The following AFF1 variants were observed in gnomAD, a reference collection of about 807,000 sequenced individuals.
The protein encoded by AFF1 is AF4/FMR2 family member 1.
A neutral mutation model predicts 121.7 loss-of-function variants in AFF1; 48 were observed. The ratio of observed to expected loss-of-function variants is 0.39; its 90% CI spans 0.31 to 0.50. AFF1 has a LOEUF of 0.50. Ranked by LOEUF, AFF1 falls within the 20% of genes least tolerant of loss-of-function variation. AFF1 has a pLI of 0.76. For missense variants in AFF1, 1,523 were observed against 1,511.7 expected (o/e 1.01, Z -0.12); for synonymous variants, 613 against 563.0 (o/e 1.09, Z -1.26).
At chr4:87,005,122 C>T (rs545792882) in intron 2 of AFF1, among the ~76,000 whole-genome samples, 3 of 152,258 alleles carry the variant, frequency 2.0e-5, no homozygotes, top group African/African-American at 7.2e-5. Context: ...ATCAGAGATG[C>T]GTGCCACTAT....
chr4:86,946,872 G>T (rs1720904473), intron 1 of AFF1, among the ~76,000 whole-genome samples: 1 of 152,134 alleles, frequency 6.6e-6, no homozygotes, highest in Non-Finnish European at 1.5e-5. Context: ...GGTGCTATTG[G>T]GTTGCAAGCA....
chr4:87,085,241 A>G (rs183835182), intron 5 of AFF1, among the ~76,000 whole-genome samples: 2 of 152,286 alleles, frequency 1.3e-5, no homozygotes, highest in Non-Finnish European at 2.9e-5. Context: ...TTATCAGAGA[A>G]GAATTATATA....
Position 87,007,451 on chromosome 4 carries a change from C to G in AFF1, c.39-38715C>G, listed in dbSNP as rs369984199. 5.0e-6 allele frequency: 8 copies of G among 1,613,864 alleles called. 1 individual carries two copies. Among genetic ancestry groups the G allele is most frequent in the Non-Finnish European group, 6.8e-6 (8 of 1,179,948 alleles). ...TAAGCCGTGCACCGGAGAAACTTTT[C>G]AAACGCGTTCGTGGCGAGGGGAGCT... On this transcript the variant is annotated intron_variant, in intron 2 of 20. Coordinates refer to ENST00000395146, the MANE Select transcript of AFF1 (RefSeq NM_001166693.3).
At chr4:87,103,442 A>G (rs551707916) in intron 8 of AFF1, among the ~76,000 whole-genome samples, 1 of 152,320 alleles carries the variant, frequency 6.6e-6, no homozygotes, top group Non-Finnish European at 1.5e-5. Context: ...ATGAGGGAGG[A>G]GAGGTTTTGT....
At chr4:86,972,619 C>A (rs1487435311) in intron 2 of AFF1, among the ~76,000 whole-genome samples, 2 of 152,054 alleles carry the variant, frequency 1.3e-5, no homozygotes, top group Non-Finnish European at 2.9e-5. Context: ...GTCACTGTAA[C>A]CTCCATCTCC....
chr4:86,985,692 A>C (rs1459534286), intron 2 of AFF1, among the ~76,000 whole-genome samples: 1 of 151,998 alleles, frequency 6.6e-6, no homozygotes, highest in Non-Finnish European at 1.5e-5. Context: ...ATAAATAAAC[A>C]AAAATTAAAA....
At chr4:87,078,241 T>C (rs1722859191) in intron 4 of AFF1, among the ~76,000 whole-genome samples, 1 of 152,228 alleles carries the variant, frequency 6.6e-6, no homozygotes. Flanking sequence ...TTGTCTCTTT[T>C]ATGTTTATTT....
intron 2 of AFF1, among the ~76,000 whole-genome samples, chr4:86,991,555 T>TA (rs1303547767): frequency 3.9e-5 from 6 of 152,220 alleles, no homozygotes; most frequent in African/African-American, 1.4e-4. Context: ...CAGGTTCTTT[T>TA]AAAATCGCTT....
At chr4:86,949,410 A>G (rs1284954145) in intron 2 of AFF1, among the ~76,000 whole-genome samples, 1 of 150,424 alleles carries the variant, frequency 6.6e-6, no homozygotes, top group Non-Finnish European at 1.5e-5. Context: ...CCTCTGCGCT[A>G]CTCCAAAAAC....
intron 1 of AFF1, among the ~76,000 whole-genome samples, chr4:86,944,299 C>G (rs1299665701): frequency 3.3e-5 from 5 of 152,036 alleles, no homozygotes; most frequent in Non-Finnish European, 7.4e-5. Context: ...CATTATGTCC[C>G]CGACGACAAT....
In AFF1 at chr4:87,131,084, C is replaced by T. The variant is rs769048976; in HGVS notation, c.2966C>T (p.Thr989Met). Residue 989 changes from threonine (T) to methionine (M), a missense_variant and splice_region_variant, in exon 17 of 21, where the codon ACG becomes ATG. Physicochemically the swap from Thr to Met is moderately conservative, Grantham distance 81. This residue lies in a region of AFF1 where 905 missense variants were observed against 842.5 expected (regional missense o/e 1.07). Transcript: ENST00000395146. ...KKMKQKAELM[T>M]DRVGKAFKYL... ...AATGACCATGTTCTTCTCCTGCAGA[C>T]GGACAGGGTTGGAAAGGCTTTTAAG... is the stretch of plus-strand genomic sequence containing the variant. 10 of 1,613,840 alleles carry T rather than the reference C, an allele frequency of 6.2e-6. No homozygotes were observed. The East Asian group carries it at 6.7e-5, about 11-fold the overall frequency.
chr4:86,983,677 C>G (rs990675044), intron 2 of AFF1, among the ~76,000 whole-genome samples: 6 of 151,796 alleles, frequency 4.0e-5, no homozygotes, highest in Non-Finnish European at 7.4e-5. Context: ...CCTCTGCACT[C>G]TAGCCTGGGT....
chr4:87,017,922 G>A (rs1275046818), intron 2 of AFF1, among the ~76,000 whole-genome samples: 1 of 130,446 alleles, frequency 7.7e-6, no homozygotes, highest in Non-Finnish European at 1.7e-5. Context: ...CATCTTTTTA[G>A]CATTCAGTCG....
chr4:87,108,388 T>C, intron 11 of AFF1, 73 bp downstream of exon 11: 1 of 1,520,860 alleles, frequency 6.6e-7, no homozygotes, highest in Non-Finnish European at 8.9e-7. Context: ...GTCAGTGCTG[T>C]GGGCCAGGAC....
chr4:87,138,258 A>G lies in AFF1; in HGVS notation c.*2557A>G, dbSNP rs1418331382. 1 of 232,624 alleles carries G rather than the reference A, an allele frequency of 4.3e-6. No homozygotes were observed. Among genetic ancestry groups the G allele is most frequent in the African/African-American group, 2.2e-5 (1 of 45,306 alleles). 14.4% of individuals were successfully genotyped at this position (232,624 alleles called of 1,614,324 possible). On this transcript the variant is annotated 3_prime_UTR_variant, in exon 21 of 21. Transcript: ENST00000395146. The stretch of plus-strand genomic sequence containing the variant: ...GGTCTTTTTGCTGTTACGGTTGTAT[A>G]TAGAGGTCTGAAGGATTTTTAAAAT...
At position 87,132,769 on chromosome 4, in the gene AFF1, C is replaced by T. The variant is rs1304007825; in HGVS notation, c.3311+361C>T. On this transcript the variant is annotated intron_variant, in intron 19 of 20. Coordinates refer to ENST00000395146, the MANE Select transcript of AFF1 (RefSeq NM_001166693.3). Reference sequence around the variant, plus strand: ...GCAGTGCTGCAATCTTGGCTTACTGCAACCTCCACCTCCCAGGTTCAAGCG... The same window carrying T: ...GCAGTGCTGCAATCTTGGCTTACTGTAACCTCCACCTCCCAGGTTCAAGCG... Among the ~76,000 whole-genome samples the T allele has an allele frequency of 3.3e-5, 5 of 152,202 alleles. No individual in the cohort carries two copies. In the East Asian group the frequency reaches 9.6e-4, roughly 29 times the overall value.
At chr4:86,982,690 C>CA (rs968465139) in intron 2 of AFF1, among the ~76,000 whole-genome samples, 15 of 150,692 alleles carry the variant, frequency 1.0e-4, no homozygotes, top group Middle Eastern at 3.4e-3. Context: ...ACTAAAAATA[C>CA]AAAAAAAATT....
intron 2 of AFF1, among the ~76,000 whole-genome samples, chr4:86,975,387 A>C (rs1354364162): frequency 6.6e-6 from 1 of 152,110 alleles, no homozygotes; most frequent in Non-Finnish European, 1.5e-5. Flanking sequence ...AGTAGCTGGG[A>C]CTACAGGTGC....
intron 2 of AFF1, among the ~76,000 whole-genome samples, chr4:86,961,812 A>G (rs1447981769): frequency 2.6e-5 from 4 of 152,124 alleles, no homozygotes; most frequent in Non-Finnish European, 5.9e-5. Context: ...CACAGATGTC[A>G]GGTGGCTGCC....
Sources: allele counts gnomAD v4.1 joint callset (sites outside exome capture counted in the v4.1 genomes callset), GRCh38; gene constraint gnomAD v4.1.1; regional missense constraint gnomAD v4.1.1; transcripts MANE v1.5; gene names NCBI Gene and HGNC (gene_info 2026-07-23, HGNC 2026-07-21).